Variants in NUP98 observed in about 807,000 individuals in gnomAD.
NUP98 encodes nuclear pore complex protein Nup98-Nup96.
In NUP98, 26 loss-of-function variants were observed where a neutral mutation model predicts 191.9. The ratio of observed to expected loss-of-function variants is 0.14; its 90% confidence interval spans 0.10 to 0.19. The LOEUF is 0.19. Ranked by LOEUF, NUP98 falls within the 10% of genes least tolerant of loss-of-function variation. The pLI, the probability that NUP98 is intolerant of heterozygous loss-of-function variation, is 1.00. For synonymous variants in NUP98, 808 were observed against 778.4 expected (o/e 1.04, Z -0.63); for missense variants, 1,941 against 2,178.8 (o/e 0.89, Z 2.17).
In NUP98 at chr11:3,776,014, T is replaced by G; in HGVS notation, c.363A>C (p.Gly121=). The part of the protein sequence containing the change: ...QNKPTGFGNF[G]TSTSSGGLFG... ...AGAGTCCTCCACTGCTAGTACTGGT[T>G]CCAAAATCTAAAAATAAGAAAGAAA... is the stretch of plus-strand genomic sequence containing the variant. The change falls in exon 5 of 33, where the codon GGA becomes GGC. Residue 121 remains glycine (G), a synonymous_variant. Transcript: ENST00000324932. The G allele has an allele frequency of 6.2e-7, 1 of 1,600,392 alleles. No homozygotes were observed. Among genetic ancestry groups the G allele is most frequent in the Non-Finnish European group, 8.5e-7 (1 of 1,176,164 alleles).
intron 1 of NUP98, 110 bp from the exon 2 acceptor site, chr11:3,782,255 A>T: frequency 1.8e-6 from 1 of 550,834 alleles, no homozygotes; most frequent in East Asian, 3.1e-5. Context: ...TATAGTATAT[A>T]CTCTCATTCA....
rs879106451 is a variant in NUP98 at position 3,702,322 on chromosome 11, CTCTCTCTCTCTCTCT to C, written c.3512+126_3512+140del. 4.4e-4 allele frequency: 51 copies of C among 116,216 alleles called. 1 individual carries two copies. The highest frequency in any genetic ancestry group is 4.4e-3 in the Middle Eastern group (2 of 456). 7.2% of individuals were successfully genotyped at this position (116,216 alleles called of 1,614,324 possible). ...ACACACACACACACACACTCTCTCTCTCTCTCTCTCTCTCTCTCTCTCTCTCTCTCTCTCTCTCTC... is the reference window on the plus strand; with the variant it reads ...ACACACACACACACACACTCTCTCTCCTCTCTCTCTCTCTCTCTCTCTCTC... On this transcript the variant is annotated intron_variant, in intron 23 of 32. Transcript: ENST00000324932.
chr11:3,694,967 C>T (rs919400444), intron 26 of NUP98, among the ~76,000 whole-genome samples: 2 of 152,000 alleles, frequency 1.3e-5, no homozygotes, highest in Non-Finnish European at 2.9e-5. Flanking sequence ...TTTGTATATA[C>T]AAACATGTAA....
Position 3,754,657 on chromosome 11 carries a change from A to G in NUP98, c.1175-1249T>C, listed in dbSNP as rs143372501. ...TAATTTCCCTTTAAAATCCACAGGTATCAGCCAGGCACGGTGGCTCACAAC... is the reference window on the plus strand; with the variant it reads ...TAATTTCCCTTTAAAATCCACAGGTGTCAGCCAGGCACGGTGGCTCACAAC... On this transcript the variant is annotated intron_variant, in intron 10 of 32. Coordinates refer to ENST00000324932, the MANE Select transcript of NUP98 (RefSeq NM_016320.5). 2.3e-3 allele frequency among the ~76,000 whole-genome samples: 355 copies of G among 152,186 alleles called. 1 individual carries two copies. Among genetic ancestry groups the G allele is most frequent in the African/African-American group, 7.5e-3 (313 of 41,524 alleles).
chr11:3,791,305 GGTGGATC>G (rs2082339249), intron 1 of NUP98, among the ~76,000 whole-genome samples: 1 of 151,920 alleles, frequency 6.6e-6, no homozygotes. Flanking sequence ...GGCCGAGGCA[GGTGGATC>G]ACTTGAAGTC....
rs560101220 is a variant in NUP98, at chr11:3,707,738, C to CAAAAAAAA, written c.2743-1119_2743-1112dup. Among the ~76,000 whole-genome samples the CAAAAAAAA allele has an allele frequency of 1.9e-4, 9 of 48,558 alleles. 1 individual carries two copies. The highest frequency in any genetic ancestry group is 2.5e-4 in the Admixed American group (1 of 4,080). 31.9% of individuals were successfully genotyped at this position (48,558 alleles called of 152,430 possible). Reference sequence around the variant, plus strand: ...TGGGCAACAGAATGAGACTCTGTCTCAAAAAAAAAAAAAAAATCCTGAAGG... The same window carrying CAAAAAAAA: ...TGGGCAACAGAATGAGACTCTGTCTCAAAAAAAAAAAAAAAAAAAAAAAATCCTGAAGG... On this transcript the variant is annotated intron_variant, in intron 20 of 32. Coordinates refer to ENST00000324932, the MANE Select transcript of NUP98 (RefSeq NM_016320.5).
chr11:3,706,251 T>G (rs1292162025), intron 21 of NUP98, among the ~76,000 whole-genome samples, 194 bp downstream of exon 21: 1 of 152,326 alleles, frequency 6.6e-6, no homozygotes, highest in Non-Finnish European at 1.5e-5. Context: ...CCCTATCTAC[T>G]AGTTCTCAAT....
chr11:3,705,996 CAAAA>C (rs66628165), intron 21 of NUP98, among the ~76,000 whole-genome samples: 4 of 99,476 alleles, frequency 4.0e-5, no homozygotes, highest in Admixed American at 1.3e-4. Flanking sequence ...ACTAAAAATA[CAAAA>C]AAAAAAAAAA....
intron 1 of NUP98, among the ~76,000 whole-genome samples, chr11:3,784,778 T>A (rs780126278): frequency 2.5e-4 from 37 of 150,876 alleles, no homozygotes; most frequent in African/African-American, 7.1e-4. Flanking sequence ...TCTAGAAATA[T>A]TGAACAAAAA....
chr11:3,778,945 C>A lies in NUP98; in HGVS notation c.283G>T (p.Ala95Ser), dbSNP rs775712554. ...GAGAAGAGACTGGTCCCTGTGCTTG[C>A]AGTTCCAAACAAGGTATTTGCTGTT... ...TGTANTLFGT[A>S]STGTSLFSSQ... The change falls in exon 4 of 33, where the codon GCA (alanine) becomes TCA (serine). Residue 95 changes from alanine to serine, a missense_variant. By Grantham distance (99) the Ala-to-Ser change is moderately conservative (BLOSUM62 1). Coordinates refer to ENST00000324932, the MANE Select transcript of NUP98 (RefSeq NM_016320.5). 6.2e-7 allele frequency: 1 copy of A among 1,614,198 alleles called. No homozygotes were observed. Among genetic ancestry groups the A allele is most frequent in the East Asian group, 2.2e-5 (1 of 44,886 alleles).
At chr11:3,692,326 A>T in intron 27 of NUP98, among the ~76,000 whole-genome samples, 1 of 151,408 alleles carries the variant, frequency 6.6e-6, no homozygotes, top group Non-Finnish European at 1.5e-5. Flanking sequence ...TCGATTGAAA[A>T]AAAAAAAACA....
At chr11:3,790,019 G>A (rs1032109533) in intron 1 of NUP98, among the ~76,000 whole-genome samples, 1 of 152,102 alleles carries the variant, frequency 6.6e-6, no homozygotes, top group South Asian at 2.1e-4. Context: ...TTCCGACCTC[G>A]TGATCCGCCC....
intron 26 of NUP98, among the ~76,000 whole-genome samples, chr11:3,694,734 T>C (rs1034096968): frequency 6.7e-6 from 1 of 149,884 alleles, no homozygotes; most frequent in Non-Finnish European, 1.5e-5. Context: ...AGCGAGACTC[T>C]GTCTCAAGAG....
rs1444787945 is a variant in NUP98 at position 3,691,524 on chromosome 11, T to A, written c.4312-35A>T. 3.7e-6 allele frequency: 6 copies of A among 1,604,682 alleles called. No homozygotes were observed. In the East Asian group the frequency reaches 1.3e-4, roughly 36 times the overall value. ...TAATTTGATAAAACAATACATTAGC[T>A]CCTAATCAGTTTTACTAGATGCCAT... On this transcript the variant is annotated intron_variant, in intron 27 of 32. Coordinates refer to ENST00000324932, the MANE Select transcript of NUP98 (RefSeq NM_016320.5).
chr11:3,720,975 A>AGTGTGAGTGTGT lies in NUP98; in HGVS notation c.2147-151_2147-150insACACACTCACAC, dbSNP rs1554891504. Reference sequence around the variant, plus strand: ...TGATTCCTAGGAGAAGGGGTGTGTGAGTGTGTGTGTGTGTGTGTGTGTGTG... The same window carrying AGTGTGAGTGTGT: ...TGATTCCTAGGAGAAGGGGTGTGTGAGTGTGAGTGTGTGTGTGTGTGTGTGTGTGTGTGTGTG... On this transcript the variant is annotated intron_variant, in intron 16 of 32. Transcript: ENST00000324932. The AGTGTGAGTGTGT allele has an allele frequency of 1.8e-5, 6 of 324,496 alleles. No individual in the cohort carries two copies. The South Asian group carries it at 3.3e-4, about 18-fold the overall frequency. 20.1% of individuals were successfully genotyped at this position (324,496 alleles called of 1,614,324 possible).
chr11:3,763,106 T>A, intron 8 of NUP98, 67 bp from the exon 9 acceptor site: 1 of 1,470,334 alleles, frequency 6.8e-7, no homozygotes, highest in Non-Finnish European at 9.2e-7. Context: ...CTCAGAGTAA[T>A]AAAAAAAAAG....
chr11:3,767,391 A>G (rs550865436), intron 8 of NUP98, among the ~76,000 whole-genome samples: 6 of 151,884 alleles, frequency 4.0e-5, no homozygotes, highest in South Asian at 2.1e-4. Context: ...GCCATGGAGC[A>G]ATCTCAGCTC....
intron 28 of NUP98, among the ~76,000 whole-genome samples, chr11:3,688,838 T>C: frequency 6.8e-6 from 1 of 146,684 alleles, no homozygotes; most frequent in Non-Finnish European, 1.5e-5. Flanking sequence ...TATATATATA[T>C]ATATTTATAA....
chr11:3,720,422 C>T lies in NUP98; in HGVS notation c.2260+290G>A, dbSNP rs74443706. ...CCAAAGAATATTATATGGTTCTGTG[C>T]TTCTCAGGAGGCTGAGGCAGGAGAA... On this transcript the variant is annotated intron_variant, in intron 17 of 32. Transcript: ENST00000324932. 4.7e-3 allele frequency among the ~76,000 whole-genome samples: 712 copies of T among 152,164 alleles called. 2 individuals carry two copies. Among genetic ancestry groups the T allele is most frequent in the African/African-American group, 0.016 (678 of 41,520 alleles).
Sources: gnomAD v4.1 joint callset for allele counts (sites outside exome capture counted in the v4.1 genomes callset) on GRCh38, gnomAD v4.1.1 for gene constraint, MANE v1.5 for transcripts, NCBI Gene and HGNC (gene_info 2026-07-23, HGNC 2026-07-21) for gene names.